Variants in SRPRA observed in about 807,000 individuals in gnomAD.
SRPRA encodes SRP receptor subunit alpha.
Under a neutral mutation model 61.1 loss-of-function variants are expected in SRPRA, and 30 were observed. The ratio of observed to expected loss-of-function variants is 0.49; its 90% CI spans 0.37 to 0.67. The LOEUF (loss-of-function observed/expected upper bound fraction) is 0.67, where lower values mean the gene tolerates loss of function less well. Ranked by LOEUF, SRPRA falls within the 30% of genes least tolerant of loss-of-function variation. The pLI is 0.00. For missense variants in SRPRA, 759 were observed against 828.4 expected (o/e 0.92, Z 1.03); for synonymous variants, 324 against 299.7 (o/e 1.08, Z -0.84).
chr11:126,262,918 C>T (rs1018059408), downstream of SRPRA: 20 of 152,634 alleles, frequency 1.3e-4, no homozygotes, highest in Admixed American at 9.8e-4. Flanking sequence ...TATAAAAGAA[C>T]TCCAAGACCT....
chr11:126,247,927 C>G, the SRPRA span, among the ~76,000 whole-genome samples: 1 of 143,798 alleles, frequency 7.0e-6, no homozygotes, highest in Non-Finnish European at 1.5e-5. Context: ...ATACGTATAT[C>G]TATATATATA....
At chr11:126,250,808 G>C in the SRPRA span, 24 of 1,160,038 alleles carry the variant, frequency 2.1e-5, no homozygotes, top group Non-Finnish European at 2.4e-5. This position sits in a 1 kb window ranked among gnomAD's most constrained non-coding sequence, Gnocchi z 5.1. Flanking sequence ...TTTCTAGTTG[G>C]TATATTGGTA....
rs769321313 is a variant in SRPRA at position 126,266,800 on chromosome 11, ACTC to A, written c.646_648del (p.Glu216del). ...ATACCCCTCCCATGCTTCTGAATGA[ACTC>A]CTCGCGCTTCCTGCGGATCAGCTCC... On this transcript the variant is annotated inframe_deletion, in exon 5 of 14. Coordinates refer to ENST00000332118, the MANE Select transcript of SRPRA (RefSeq NM_003139.4). The A allele has an allele frequency of 1.9e-6, 3 of 1,612,952 alleles. No homozygotes were observed. Among genetic ancestry groups the A allele is most frequent in the African/African-American group, 2.7e-5 (2 of 74,472 alleles).
chr11:126,262,877 G>A (rs1174961161), downstream of SRPRA: 1 of 152,662 alleles, frequency 6.6e-6, no homozygotes, highest in African/African-American at 2.4e-5. Flanking sequence ...CTACAGTTAA[G>A]TGTGTTGTGG....
rs1203189629 is a variant in SRPRA, at chr11:126,267,657, A to C, written c.257T>G (p.Val86Gly). The C allele has an allele frequency of 6.2e-7, 1 of 1,614,158 alleles. No homozygotes were observed. Among genetic ancestry groups the C allele is most frequent in the Non-Finnish European group, 8.5e-7 (1 of 1,180,042 alleles). ...LTYVDKLIDD[V>G]HRLFRDKYRT... ...GTACTTGTCCCGAAACAGCCGATGCACGTCATCTATCAATTTGTCTACATA... is the reference window on the plus strand; with the variant it reads ...GTACTTGTCCCGAAACAGCCGATGCCCGTCATCTATCAATTTGTCTACATA... The change falls in exon 3 of 14, where the codon GTG (valine) becomes GGG (glycine). Residue 86 changes from valine to glycine, a missense_variant. This residue lies in a region of SRPRA where 475 missense variants were observed against 462.5 expected (regional missense o/e 1.03). Transcript: ENST00000332118. The surrounding 1 kb of genome is among the most constrained non-coding windows in gnomAD (Gnocchi z 4.2).
downstream of SRPRA, chr11:126,262,811 C>T (rs1950728899): frequency 6.6e-6 from 1 of 152,526 alleles, no homozygotes; most frequent in South Asian, 2.1e-4. Context: ...TTACCTGATT[C>T]CTCGGAGCAT....
At chr11:126,261,374 A>C, downstream of SRPRA, 9 of 1,499,358 alleles carry the variant, frequency 6.0e-6, no homozygotes, top group Non-Finnish European at 8.4e-6. Context: ...TTTTGCTATT[A>C]ATAGTTTTAG....
chr11:126,236,723 CT>C, the SRPRA span, among the ~76,000 whole-genome samples: 459 of 149,878 alleles, frequency 3.1e-3, 2 homozygotes, highest in African/African-American at 0.011. Context: ...TGTTGGACTT[CT>C]TGTATTAAGT....
the SRPRA span, among the ~76,000 whole-genome samples, chr11:126,251,718 T>A: frequency 1.3e-5 from 2 of 151,896 alleles, no homozygotes; most frequent in African/African-American, 4.8e-5. Flanking sequence ...TAGCACTTAG[T>A]ATTAACTTGC....
At chr11:126,266,439 G>GT in intron 6 of SRPRA, 37 bp downstream of exon 6, 1 of 1,605,284 alleles carries the variant, frequency 6.2e-7, no homozygotes, top group South Asian at 1.1e-5. Flanking sequence ...CTCCCAATTT[G>GT]TTGTTAAAGA....
At position 126,266,287 on chromosome 11, in the gene SRPRA, T is replaced by C. The variant is rs776730158; in HGVS notation, c.841-9A>G. 6.2e-7 allele frequency: 1 copy of C among 1,613,996 alleles called. No homozygotes were observed. Among genetic ancestry groups the C allele is most frequent in the South Asian group, 1.1e-5 (1 of 91,080 alleles). On this transcript the variant is annotated splice_polypyrimidine_tract_variant and intron_variant, in intron 6 of 13. Coordinates refer to ENST00000332118, the MANE Select transcript of SRPRA (RefSeq NM_003139.4). ...GACCCAGTCCCTCGAATCTGGAAGA[T>C]ACGGGGAAAGGATGTGGGGTCAGGA...
At chr11:126,243,775 A>C in the SRPRA span, among the ~76,000 whole-genome samples, 1 of 151,926 alleles carries the variant, frequency 6.6e-6, no homozygotes, top group Non-Finnish European at 1.5e-5. Flanking sequence ...ATGGTAGTGC[A>C]TGCCTGTAAT....
At chr11:126,236,073 T>C in the SRPRA span, among the ~76,000 whole-genome samples, 2 of 152,372 alleles carry the variant, frequency 1.3e-5, no homozygotes, top group South Asian at 4.1e-4. Context: ...TTCTGGATGC[T>C]AGTCCACTCT....
downstream of SRPRA, chr11:126,260,553 T>G (rs1276323002): frequency 6.6e-6 from 1 of 152,212 alleles, no homozygotes; most frequent in African/African-American, 2.4e-5. Flanking sequence ...TGATATTTTT[T>G]TTGCCAGTTT....
At chr11:126,254,208 C>T in the SRPRA span, 7 of 1,420,272 alleles carry the variant, frequency 4.9e-6, no homozygotes, top group Middle Eastern at 4.2e-4. Flanking sequence ...GAGTTTATGT[C>T]AGAAGTCTAG....
At chr11:126,240,933 C>G in the SRPRA span, 1 of 1,614,106 alleles carries the variant, frequency 6.2e-7, no homozygotes, top group Non-Finnish European at 8.5e-7. Context: ...TGGATGCTGC[C>G]ATTGATTTTG....
chr11:126,261,155 G>A (rs78366918), downstream of SRPRA: 44,809 of 364,722 alleles, frequency 0.12, 3,422 homozygotes, highest in South Asian at 0.16. Flanking sequence ...GCCTGTATGT[G>A]AAATGTAAAA....
the SRPRA span, among the ~76,000 whole-genome samples, chr11:126,238,713 C>G: frequency 6.6e-6 from 1 of 152,152 alleles, no homozygotes; most frequent in Admixed American, 6.5e-5. Context: ...GTAACTGATT[C>G]TCCTATTTTA....
downstream of SRPRA, chr11:126,261,488 T>C (rs745448186): frequency 6.2e-6 from 10 of 1,608,850 alleles, no homozygotes; most frequent in Non-Finnish European, 8.5e-6. Context: ...ATAAGAGGTA[T>C]ACTGTTTCCT....
Sources: gnomAD v4.1 joint callset for allele counts (sites outside exome capture counted in the v4.1 genomes callset) on GRCh38, gnomAD v4.1.1 for gene constraint, gnomAD v4.1.1 regional missense constraint, Gnocchi (gnomAD v3.1) non-coding constraint, MANE v1.5 for transcripts, NCBI Gene and HGNC (gene_info 2026-07-23, HGNC 2026-07-21) for gene names.